Variants in LMTK2 observed in about 807,000 individuals in gnomAD.
LMTK2 encodes the protein serine/threonine-protein kinase LMTK2.
Under a neutral mutation model 127.5 loss-of-function variants are expected in LMTK2, and 37 were observed. The ratio of observed to expected loss-of-function variants is 0.29; its 90% CI spans 0.22 to 0.38. The LOEUF is 0.38. LMTK2 is among the 10% of genes least tolerant of loss of function. The pLI, the probability that LMTK2 is intolerant of heterozygous loss-of-function variation, is 1.00. For synonymous variants in LMTK2, 819 were observed against 810.1 expected (o/e 1.01, Z -0.19); for missense variants, 1,694 against 1,920.3 (o/e 0.88, Z 2.20).
Position 98,162,069 on chromosome 7 carries a change from G to A in LMTK2, c.657+2644G>A, listed in dbSNP as rs556035856. 2.6e-5 allele frequency among the ~76,000 whole-genome samples: 4 copies of A among 152,260 alleles called. No individual in the cohort carries two copies. The South Asian group carries it at 8.3e-4, about 32-fold the overall frequency. ...GTTCTTGAAAGTTCCAGTAGACAAT[G>A]TTAGTTTTTTCATACAATGGTCAAA... On this transcript the variant is annotated intron_variant, in intron 6 of 13. Transcript: ENST00000297293.
intron 1 of LMTK2, among the ~76,000 whole-genome samples, chr7:98,117,229 G>A (rs1020715281): frequency 2.6e-5 from 4 of 152,136 alleles, no homozygotes; most frequent in East Asian, 1.9e-4. Flanking sequence ...AGAGACTCGC[G>A]TATTCTCTTC....
At chr7:98,137,196 C>T (rs2116359154) in intron 1 of LMTK2, 119 bp from the exon 2 acceptor site, 4 of 887,118 alleles carry the variant, frequency 4.5e-6, no homozygotes, top group South Asian at 2.0e-5. Flanking sequence ...AGCTTTTTCT[C>T]GAGCATTATT....
At chr7:98,140,786 G>A (rs1449940254) in intron 2 of LMTK2, among the ~76,000 whole-genome samples, 1 of 151,886 alleles carries the variant, frequency 6.6e-6, no homozygotes, top group African/African-American at 2.4e-5. Flanking sequence ...GCTTGGCCAG[G>A]CGCTGTGGCT....
chr7:98,111,714 T>C (rs1796204197), intron 1 of LMTK2, among the ~76,000 whole-genome samples: 1 of 152,242 alleles, frequency 6.6e-6, no homozygotes, highest in Non-Finnish European at 1.5e-5. Context: ...AATTGACTAA[T>C]GGCAGGTGGT....
rs201762640 is a variant in LMTK2 at position 98,187,595 on chromosome 7, T to TTTGTTG, written c.998+618_998+623dup. ...GGGTACAGTGATATATATATATGTT[T>TTTGTTG]TTGTTGTTGTTGTTGTTGTTGTTGT... On this transcript the variant is annotated intron_variant, in intron 9 of 13. Transcript: ENST00000297293. 1.3e-4 allele frequency among the ~76,000 whole-genome samples: 20 copies of TTTGTTG among 151,926 alleles called. No individual in the cohort carries two copies. In the South Asian group the frequency reaches 2.3e-3, roughly 17 times the overall value.
At position 98,191,689 on chromosome 7, in the gene LMTK2, T is replaced by C; in HGVS notation, c.1224T>C (p.Thr408=). 1.2e-6 allele frequency: 2 copies of C among 1,614,220 alleles called. No individual in the cohort carries two copies. Among genetic ancestry groups the C allele is most frequent in the Non-Finnish European group, 1.7e-6 (2 of 1,180,030 alleles). ...PAAEDVHRLL[T]YLRLQSQRDS... ...CTGAAGATGTGCACAGGCTGCTGAC[T>C]TACCTGCGGCTGCAGAGCCAGCGGG... is the stretch of plus-strand genomic sequence containing the variant. Residue 408 remains threonine, a synonymous_variant, in exon 11 of 14, where the codon ACT becomes ACC. Transcript: ENST00000297293.
At chr7:98,116,547 C>G (rs544561028) in intron 1 of LMTK2, among the ~76,000 whole-genome samples, 2 of 151,950 alleles carry the variant, frequency 1.3e-5, no homozygotes, top group East Asian at 3.9e-4. Context: ...GGGATGAGGC[C>G]ATTTATAGTT....
At chr7:98,189,554 C>T (rs568156407) in intron 9 of LMTK2, among the ~76,000 whole-genome samples, 1 of 152,172 alleles carries the variant, frequency 6.6e-6, no homozygotes, top group African/African-American at 2.4e-5. Flanking sequence ...TCTGACCTAG[C>T]AGTGTGTGTG....
chr7:98,200,912 ACT>A lies in LMTK2; in HGVS notation c.4108-2657_4108-2656del, dbSNP rs1452200765. Among the ~76,000 whole-genome samples the A allele has an allele frequency of 4.0e-5, 6 of 151,628 alleles. 1 individual carries two copies. Among genetic ancestry groups the A allele is most frequent in the African/African-American group, 1.2e-4 (5 of 41,336 alleles). ...GGTTGGTTGACTCTGAGGATGTGGA[ACT>A]CTCTGATCTGGAGGGCCTCCTGTCC... is the stretch of plus-strand genomic sequence containing the variant. On this transcript the variant is annotated intron_variant, in intron 11 of 13. Transcript: ENST00000297293.
In LMTK2 at chr7:98,141,424, A is replaced by G. The variant is rs753343985; in HGVS notation, c.259A>G (p.Ile87Val). ...ATTTGAAGATAATTTTGATGATGAG[A>G]TAGATTTCACACCACCAGCAGAAGA... ...KEFEDNFDDE[I>V]DFTPPAEDTP... The change falls in exon 3 of 14, where the codon ATA (isoleucine) becomes GTA (valine). Residue 87 changes from isoleucine to valine, a missense_variant. Physicochemically the swap from Ile to Val is conservative, Grantham distance 29. This residue lies in a region of LMTK2 where 203 missense variants were observed against 226.2 expected (regional missense o/e 0.90). Coordinates refer to ENST00000297293, the MANE Select transcript of LMTK2 (RefSeq NM_014916.4). 1.9e-6 allele frequency: 3 copies of G among 1,613,942 alleles called. No individual in the cohort carries two copies. The highest frequency in any genetic ancestry group is 1.7e-5 in the Admixed American group (1 of 60,024).
chr7:98,205,316 G>T, intron 13 of LMTK2, 148 bp from the exon 14 acceptor site: 1 of 892,426 alleles, frequency 1.1e-6, no homozygotes, highest in South Asian at 1.5e-5. Flanking sequence ...GCTTCCGAAG[G>T]AAAGGACAGG....
intron 1 of LMTK2, chr7:98,126,617 T>C (rs535181107): frequency 1.3e-5 from 2 of 152,378 alleles, no homozygotes; most frequent in Admixed American, 1.3e-4. Context: ...CACACCGTGC[T>C]GCCTTAGATG....
At position 98,191,926 on chromosome 7, in the gene LMTK2, C is replaced by T. The variant is rs141745670; in HGVS notation, c.1461C>T (p.Asp487=). The T allele has an allele frequency of 4.8e-4, 776 of 1,613,982 alleles. 1 individual carries two copies. The highest frequency in any genetic ancestry group is 6.4e-4 in the Non-Finnish European group (754 of 1,180,042). ...VWEAAKHDHF[D]ERSRGHLDEG... ...AGGCCGCTAAGCACGACCACTTTGA[C>T]GAGCGCAGCCGGGGCCACCTGGACG... Residue 487 remains aspartate, a synonymous_variant, in exon 11 of 14, where the codon GAC becomes GAT. Coordinates refer to ENST00000297293, the MANE Select transcript of LMTK2 (RefSeq NM_014916.4).
chr7:98,174,081 T>C (rs1005487211), intron 7 of LMTK2, among the ~76,000 whole-genome samples: 1 of 143,036 alleles, frequency 7.0e-6, no homozygotes, highest in African/African-American at 2.6e-5. Flanking sequence ...CTTGAAACCA[T>C]TGACAGCTGT....
chr7:98,183,065 A>T (rs948273301), intron 7 of LMTK2, among the ~76,000 whole-genome samples: 1 of 152,256 alleles, frequency 6.6e-6, no homozygotes, highest in Non-Finnish European at 1.5e-5. Flanking sequence ...AAAGCATCAC[A>T]TGACAGATAG....
intron 7 of LMTK2, among the ~76,000 whole-genome samples, chr7:98,182,482 T>A (rs1418451937): frequency 6.6e-6 from 1 of 152,340 alleles, no homozygotes; most frequent in East Asian, 1.9e-4. Flanking sequence ...CACCAAAAGA[T>A]GCCCAGCATC....
chr7:98,147,152 C>G (rs546994486), intron 3 of LMTK2, among the ~76,000 whole-genome samples: 1 of 151,820 alleles, frequency 6.6e-6, no homozygotes, highest in African/African-American at 2.4e-5. Flanking sequence ...TTGCTTTTCT[C>G]TTGCTGCATT....
chr7:98,158,631 A>G (rs1362179454), intron 5 of LMTK2, among the ~76,000 whole-genome samples: 1 of 152,186 alleles, frequency 6.6e-6, no homozygotes, highest in East Asian at 1.9e-4. Context: ...TATAAATAAT[A>G]CAGTATAACA....
chr7:98,126,948 G>A (rs768511487), intron 1 of LMTK2, among the ~76,000 whole-genome samples: 23 of 152,122 alleles, frequency 1.5e-4, no homozygotes, highest in East Asian at 1.9e-4. Context: ...ATTCATGAAC[G>A]AGATCATCAG....
Sources: allele counts gnomAD v4.1 joint callset (sites outside exome capture counted in the v4.1 genomes callset), GRCh38; gene constraint gnomAD v4.1.1; regional missense constraint gnomAD v4.1.1; transcripts MANE v1.5; gene names NCBI Gene and HGNC (gene_info 2026-07-23, HGNC 2026-07-21).